Variants in PCDHA3 observed in about 807,000 individuals in gnomAD.
PCDHA3 encodes protocadherin alpha 3.
A neutral mutation model predicts 62.2 loss-of-function variants in PCDHA3; 41 were observed. The observed-to-expected ratio is 0.66, with a 90% CI of 0.51 to 0.86. The LOEUF (loss-of-function observed/expected upper bound fraction) is 0.86. Ranked by LOEUF, PCDHA3 falls within the 40% of genes least tolerant of loss-of-function variation. The pLI is 0.00. For missense variants in PCDHA3, 1,304 were observed against 1,241.2 expected, an observed-to-expected ratio of 1.05 and a Z score of -0.76; for synonymous variants, 640 against 555.4, an observed-to-expected ratio of 1.15 and a Z score of -2.14.
chr5:140,945,596 T>C (rs2093812585), intron 1 of PCDHA3, among the ~76,000 whole-genome samples: 1 of 152,060 alleles, frequency 6.6e-6, no homozygotes, highest in Admixed American at 6.6e-5. Context: ...ACTTCAAAGC[T>C]ATAATAATCA....
In PCDHA3 at chr5:140,856,469, A is replaced by G. The variant is rs868928248; in HGVS notation, c.2394+52878A>G. 8.8e-6 allele frequency: 14 copies of G among 1,598,158 alleles called. 1 individual carries two copies. The highest frequency in any genetic ancestry group is 1.2e-5 in the Non-Finnish European group (14 of 1,167,896). ...CTCCGTAACAGAACAAAAGCTCTCA[A>G]TACCTGAATCCAGACTGCTTGACTC... is the stretch of plus-strand genomic sequence containing the variant. On this transcript the variant is annotated intron_variant, in intron 1 of 3. Transcript: ENST00000522353.
In PCDHA3 at chr5:140,933,676, AT is replaced by A. The variant is rs1400784175; in HGVS notation, c.2395-45265del. 1.4e-4 allele frequency among the ~76,000 whole-genome samples: 21 copies of A among 151,552 alleles called. 1 individual carries two copies. Among genetic ancestry groups the A allele is most frequent in the Admixed American group, 1.3e-3 (19 of 15,194 alleles). On this transcript the variant is annotated intron_variant, in intron 1 of 3. Coordinates refer to ENST00000522353, the MANE Select transcript of PCDHA3 (RefSeq NM_018906.3). Reference sequence around the variant, plus strand: ...CTGTCTCTCTCTCTGTCTCTCTCACATTTTTTTTCCTATTCCTCGGACACAT... The same window carrying A: ...CTGTCTCTCTCTCTGTCTCTCTCACATTTTTTTCCTATTCCTCGGACACAT...
intron 1 of PCDHA3, chr5:140,847,941 A>G (rs923253393): frequency 3.3e-5 from 5 of 151,238 alleles, no homozygotes; most frequent in African/African-American, 1.2e-4. Flanking sequence ...CAACTCCTGG[A>G]TTTCTCTTAC....
intron 1 of PCDHA3, chr5:140,857,205 G>A: frequency 6.3e-7 from 1 of 1,598,596 alleles, no homozygotes; most frequent in African/African-American, 1.3e-5. Flanking sequence ...CAGGTCACCT[G>A]CTCTCTGACG....
At chr5:140,828,080 G>A (rs2150150678) in intron 1 of PCDHA3, 4 of 1,580,098 alleles carry the variant, frequency 2.5e-6, no homozygotes, top group Non-Finnish European at 3.4e-6. Context: ...AATAAAACCA[G>A]AGGTATTTGA....
intron 1 of PCDHA3, chr5:140,834,491 C>T (rs2150219703): frequency 1.2e-6 from 2 of 1,614,110 alleles, no homozygotes; most frequent in South Asian, 1.1e-5. Context: ...ACTCGGTCCC[C>T]GAGGAGGCTA....
intron 1 of PCDHA3, 170 bp from the exon 2 acceptor site, chr5:140,978,779 C>T: frequency 2.1e-6 from 2 of 969,908 alleles, no homozygotes; most frequent in Non-Finnish European, 2.5e-6. Flanking sequence ...TAATTTTCTT[C>T]TAAAGTGCTA....
intron 1 of PCDHA3, among the ~76,000 whole-genome samples, chr5:140,911,609 C>T (rs1554194830): frequency 6.6e-6 from 1 of 152,170 alleles, no homozygotes; most frequent in Non-Finnish European, 1.5e-5. Flanking sequence ...TCATTATGTT[C>T]CTTAGTTCCC....
chr5:140,966,845 C>T, intron 1 of PCDHA3: 2 of 1,570,442 alleles, frequency 1.3e-6, no homozygotes, highest in South Asian at 2.3e-5. Context: ...GCTGCTACTG[C>T]CTCTCCTGCT....
rs2150353014 is a variant in PCDHA3 at position 140,843,115 on chromosome 5, C to T, written c.2394+39524C>T. 5.0e-6 allele frequency: 8 copies of T among 1,595,710 alleles called. 2 individuals carry two copies. Among genetic ancestry groups the T allele is most frequent in the African/African-American group, 2.7e-5 (2 of 74,438 alleles). On this transcript the variant is annotated intron_variant, in intron 1 of 3. Transcript: ENST00000522353. ...TGGTAGCGAAGGTGCGCGCAGTGGA[C>T]GCCGACTCGGGCTACAACGCGTGGC...
intron 1 of PCDHA3, chr5:140,847,464 C>A (rs2150400845): frequency 6.7e-6 from 1 of 149,754 alleles, no homozygotes; most frequent in Non-Finnish European, 1.5e-5. Context: ...AATTAATCGA[C>A]TTGGACGTTG....
chr5:140,828,991 A>G (rs1770068473), intron 1 of PCDHA3: 1 of 1,613,938 alleles, frequency 6.2e-7, no homozygotes, highest in Non-Finnish European at 8.5e-7. Context: ...GAAATACGGG[A>G]GAAATAGTGA....
chr5:140,869,343 G>A (rs1554162925), intron 1 of PCDHA3: 1 of 1,613,974 alleles, frequency 6.2e-7, no homozygotes, highest in African/African-American at 1.3e-5. Context: ...TAAATCTGCA[G>A]AATGGCATTT....
At chr5:140,914,095 C>G (rs1368870998) in intron 1 of PCDHA3, among the ~76,000 whole-genome samples, 1 of 152,082 alleles carries the variant, frequency 6.6e-6, no homozygotes, top group Non-Finnish European at 1.5e-5. Context: ...TCAATTTGTT[C>G]TATAGTGCAG....
At position 140,849,642 on chromosome 5, in the gene PCDHA3, G is replaced by A. The variant is rs2150443693; in HGVS notation, c.2394+46051G>A. 5 of 1,598,584 alleles carry A rather than the reference G, an allele frequency of 3.1e-6. No individual in the cohort carries two copies. The African/African-American group carries it at 4.0e-5, about 13-fold the overall frequency. Reference sequence around the variant, plus strand: ...GATCGACCTAGACGCAGATGCCAACGGGCAGGTTACCTGCTCCCTGACGCC... The same window carrying A: ...GATCGACCTAGACGCAGATGCCAACAGGCAGGTTACCTGCTCCCTGACGCC... On this transcript the variant is annotated intron_variant, in intron 1 of 3. Coordinates refer to ENST00000522353, the MANE Select transcript of PCDHA3 (RefSeq NM_018906.3).
At chr5:140,862,185 A>G (rs561305480) in intron 1 of PCDHA3, 1 of 166,788 alleles carries the variant, frequency 6.0e-6, no homozygotes, top group South Asian at 1.6e-4. Flanking sequence ...TGACACAGGC[A>G]ATTCCCCAAT....
intron 1 of PCDHA3, among the ~76,000 whole-genome samples, chr5:140,959,354 A>C (rs1021119947): frequency 2.0e-5 from 3 of 152,244 alleles, no homozygotes; most frequent in African/African-American, 7.2e-5. Context: ...CAGCGGGACA[A>C]CTGAGTGAGA....
At chr5:140,980,507 G>A (rs1274816745) in intron 2 of PCDHA3, among the ~76,000 whole-genome samples, 1 of 152,136 alleles carries the variant, frequency 6.6e-6, no homozygotes, top group African/African-American at 2.4e-5. Flanking sequence ...GCATGTGCCT[G>A]TAGTTCCAGC....
At chr5:140,828,481 G>A (rs2150155852) in intron 1 of PCDHA3, 2 of 1,614,204 alleles carry the variant, frequency 1.2e-6, no homozygotes, top group Admixed American at 1.7e-5. Flanking sequence ...ACGACAACCC[G>A]CCCTTGTTCC....
Sources: allele counts gnomAD v4.1 joint callset (sites outside exome capture counted in the v4.1 genomes callset), GRCh38; gene constraint gnomAD v4.1.1; transcripts MANE v1.5; gene names NCBI Gene and HGNC (gene_info 2026-07-23, HGNC 2026-07-21).